The following RTL1 variants were observed in gnomAD, a reference collection of about 807,000 sequenced individuals.
RTL1 encodes retrotransposon-like protein 1.
For missense variants in RTL1, 1,681 were observed against 1,767.5 expected (o/e 0.95, Z 0.88); for synonymous variants, 727 against 748.4 (o/e 0.97, Z 0.47).
At position 100,881,596 on chromosome 14, in the gene RTL1, C is replaced by G; in HGVS notation, c.3193G>C (p.Ala1065Pro). 1.3e-6 allele frequency: 2 copies of G among 1,551,710 alleles called. No individual in the cohort carries two copies. Among genetic ancestry groups the G allele is most frequent in the Non-Finnish European group, 1.7e-6 (2 of 1,147,006 alleles). Reference protein sequence around the residue: ...PIDQILNSFLAHFSMAQIRAV... With the variant: ...PIDQILNSFLPHFSMAQIRAV... ...CTGATCTGGGCCATGCTGAAGTGGGCGAGGAAGCTGTTGAGGATCTGGTCG... is the reference window on the plus strand; with the variant it reads ...CTGATCTGGGCCATGCTGAAGTGGGGGAGGAAGCTGTTGAGGATCTGGTCG... The change falls in exon 4 of 4, where the codon GCC (alanine) becomes CCC (proline). Residue 1065 changes from alanine to proline, a missense_variant. Ala to Pro is a conservative substitution (Grantham distance 27). Coordinates refer to ENST00000649591, the MANE Select transcript of RTL1 (RefSeq NM_001134888.3). The surrounding 1 kb of genome is among the most constrained non-coding windows in gnomAD (Gnocchi z 6.6).
chr14:100,886,072 T>A (rs1443294481), intron 3 of RTL1, among the ~76,000 whole-genome samples: 1 of 152,108 alleles, frequency 6.6e-6, no homozygotes, highest in Non-Finnish European at 1.5e-5. Context: ...TTGGTTGGGG[T>A]TATTTGCACA....
At position 100,883,088 on chromosome 14, in the gene RTL1, G is replaced by C. The variant is rs1404597141; in HGVS notation, c.1701C>G (p.Asn567Lys). Residue 567 changes from asparagine to lysine, a missense_variant, in exon 4 of 4, where the codon AAC becomes AAG. Physicochemically the swap from Asn to Lys is moderately conservative, Grantham distance 94. Transcript: ENST00000649591. The surrounding 1 kb of genome is among the most constrained non-coding windows in gnomAD (Gnocchi z 5.9). ...HPYSDLADVFNPKEADDETSD... is the reference protein window; with the variant it reads ...HPYSDLADVFKPKEADDETSD... Reference sequence around the variant, plus strand: ...AAGTCTCATCATCTGCTTCCTTCGGGTTAAACACGTCGGCCAGGTCTGAGT... The same window carrying C: ...AAGTCTCATCATCTGCTTCCTTCGGCTTAAACACGTCGGCCAGGTCTGAGT... 2 of 1,613,832 alleles carry C rather than the reference G, an allele frequency of 1.2e-6. No homozygotes were observed. The highest frequency in any genetic ancestry group is 1.7e-6 in the Non-Finnish European group (2 of 1,180,000).
chr14:100,891,055 T>A (rs2140046605), intron 3 of RTL1, among the ~76,000 whole-genome samples: 1 of 152,278 alleles, frequency 6.6e-6, no homozygotes, highest in African/African-American at 2.4e-5. Context: ...GTGAGGAGGC[T>A]GGTGAGATTC....
chr14:100,885,511 G>T lies in RTL1; in HGVS notation c.-86-637C>A, dbSNP rs1950625. ...TCAAAATAGAAATTTCAGGGGGTGT[G>T]TACAGGTCTGGGTTTTTTTTTTTTT... On this transcript the variant is annotated intron_variant, in intron 3 of 3. Coordinates refer to ENST00000649591, the MANE Select transcript of RTL1 (RefSeq NM_001134888.3). Among the ~76,000 whole-genome samples the T allele has an allele frequency of 5.1e-3, 754 of 147,118 alleles. 22 individuals are homozygous for T. Among genetic ancestry groups the T allele is most frequent in the Admixed American group, 0.041 (601 of 14,780 alleles).
At position 100,893,851 on chromosome 14, in the gene RTL1, C is replaced by G. The variant is rs1431046573; in HGVS notation, c.-148-346G>C. Among the ~76,000 whole-genome samples the G allele has an allele frequency of 6.6e-6, 1 of 152,202 alleles. No individual in the cohort carries two copies. Among genetic ancestry groups the G allele is most frequent in the Non-Finnish European group, 1.5e-5 (1 of 68,050 alleles). On this transcript the variant is annotated intron_variant, in intron 2 of 3. Transcript: ENST00000649591. The surrounding 1 kb of genome is among the most constrained non-coding windows in gnomAD (Gnocchi z 4.2). The stretch of plus-strand genomic sequence containing the variant: ...ACACCCACCCTCACACCCGGGCCCA[C>G]GCTCACTTTAATAACCCGGACTGGG...
In RTL1 at chr14:100,881,059, G is replaced by C. The variant is rs776782715; in HGVS notation, c.3730C>G (p.Arg1244Gly). The change falls in exon 4 of 4, where the codon CGT becomes GGT. Residue 1244 changes from arginine (R) to glycine (G), a missense_variant. By Grantham distance (125) the Arg-to-Gly change is moderately radical. Coordinates refer to ENST00000649591, the MANE Select transcript of RTL1 (RefSeq NM_001134888.3). The surrounding 1 kb of genome is among the most constrained non-coding windows in gnomAD (Gnocchi z 6.6). Reference protein sequence around the residue: ...EALQDDLQRYRQCGLHDGLQD... With the variant: ...EALQDDLQRYGQCGLHDGLQD... Reference sequence around the variant, plus strand: ...AGGCCGTCATGCAGGCCACACTGACGGTAACGTTGCAGGTCGTCTTGCAGG... The same window carrying C: ...AGGCCGTCATGCAGGCCACACTGACCGTAACGTTGCAGGTCGTCTTGCAGG... 7.5e-6 allele frequency: 12 copies of C among 1,603,316 alleles called. No individual in the cohort carries two copies. Among genetic ancestry groups the C allele is most frequent in the South Asian group, 1.1e-5 (1 of 89,134 alleles).
chr14:100,901,268 G>A (rs553805088), intron 2 of RTL1, among the ~76,000 whole-genome samples: 2 of 152,360 alleles, frequency 1.3e-5, no homozygotes, highest in African/African-American at 2.4e-5. Context: ...GGCTGGCCTC[G>A]CAGCCATCCC....
In RTL1 at chr14:100,893,892, G is replaced by A. The variant is rs562884688; in HGVS notation, c.-148-387C>T. Among the ~76,000 whole-genome samples the A allele has an allele frequency of 1.3e-5, 2 of 152,370 alleles. No homozygotes were observed. Among genetic ancestry groups the A allele is most frequent in the Admixed American group, 1.3e-4 (2 of 15,314 alleles). The stretch of plus-strand genomic sequence containing the variant: ...CCGGACTGGGCAAGGACTAAGTCCA[G>A]CCAGAGCGTCAGCCTCGCTGGCGTC... On this transcript the variant is annotated intron_variant, in intron 2 of 3. Coordinates refer to ENST00000649591, the MANE Select transcript of RTL1 (RefSeq NM_001134888.3). The surrounding 1 kb of genome is among the most constrained non-coding windows in gnomAD (Gnocchi z 4.2).
rs1487966543 is a variant in RTL1 at position 100,881,870 on chromosome 14, G to T, written c.2919C>A (p.Phe973Leu). 1 of 1,613,740 alleles carries T rather than the reference G, an allele frequency of 6.2e-7. No individual in the cohort carries two copies. The highest frequency in any genetic ancestry group is 8.5e-7 in the Non-Finnish European group (1 of 1,180,036). The change falls in exon 4 of 4, where the codon TTC becomes TTA. Residue 973 changes from phenylalanine to leucine, a missense_variant. Physicochemically the swap from Phe to Leu is conservative, Grantham distance 22 (BLOSUM62 0). Coordinates refer to ENST00000649591, the MANE Select transcript of RTL1 (RefSeq NM_001134888.3). This position sits in a 1 kb window ranked among gnomAD's most constrained non-coding sequence, Gnocchi z 6.6. ...TGACGTCAAAGTTGAAGTGGGAGAA[G>T]AAGAAGACCCAATGCCCGGGGAGAA... is the stretch of plus-strand genomic sequence containing the variant. ...TVLLPGHWVFFFSHFNFDVME... is the reference protein window; with the variant it reads ...TVLLPGHWVFLFSHFNFDVME...
rs745813960 is a variant in RTL1 at position 100,884,403 on chromosome 14, G to A, written c.386C>T (p.Ser129Leu). 25 of 1,605,332 alleles carry A rather than the reference G, an allele frequency of 1.6e-5. No homozygotes were observed. The highest frequency in any genetic ancestry group is 3.4e-5 in the Admixed American group (2 of 58,806). Reference sequence around the variant, plus strand: ...AGCCTCTTGTTCTTCTCGGGCTCCCGATGGGTTGACTGATGCTTCTTTCAT... The same window carrying A: ...AGCCTCTTGTTCTTCTCGGGCTCCCAATGGGTTGACTGATGCTTCTTTCAT... Reference protein sequence around the residue: ...DRMKEASVNPSGAREEQEAHT... With the variant: ...DRMKEASVNPLGAREEQEAHT... The change falls in exon 4 of 4, where the codon TCG becomes TTG. Residue 129 changes from serine (S) to leucine (L), a missense_variant. Ser to Leu is a moderately radical substitution (Grantham distance 145). Transcript: ENST00000649591.
At chr14:100,903,175 G>C (rs1302465904) in intron 2 of RTL1, among the ~76,000 whole-genome samples, 116 bp downstream of exon 2, 1 of 152,188 alleles carries the variant, frequency 6.6e-6, no homozygotes, top group Non-Finnish European at 1.5e-5. Context: ...TCCTTGAAGG[G>C]CCAGCTTAGA....
chr14:100,885,502 A>C (rs1207236358), intron 3 of RTL1, among the ~76,000 whole-genome samples: 1 of 149,436 alleles, frequency 6.7e-6, no homozygotes, highest in Non-Finnish European at 1.5e-5. Context: ...TAGAAATTTC[A>C]GGGGGTGTGT....
At position 100,893,408 on chromosome 14, in the gene RTL1, G is replaced by A. The variant is rs2038809398; in HGVS notation, c.-87+36C>T. 6.6e-6 allele frequency among the ~76,000 whole-genome samples: 1 copy of A among 152,124 alleles called. No individual in the cohort carries two copies. Among genetic ancestry groups the A allele is most frequent in the Admixed American group, 6.5e-5 (1 of 15,286 alleles). ...CCCTGCCTGCCCACCCGATCCCTGG[G>A]GGAGGTCGACATGGGACCTCTGCCC... On this transcript the variant is annotated intron_variant, in intron 3 of 3. Coordinates refer to ENST00000649591, the MANE Select transcript of RTL1 (RefSeq NM_001134888.3). The surrounding 1 kb of genome is among the most constrained non-coding windows in gnomAD (Gnocchi z 4.2).
At chr14:100,900,616 G>A (rs115964256) in intron 2 of RTL1, among the ~76,000 whole-genome samples, 1,834 of 152,230 alleles carry the variant, frequency 0.012, 31 homozygotes, top group African/African-American at 0.042. Flanking sequence ...TGTTCCCTCC[G>A]TGTCCGGCAG....
chr14:100,881,400 G>A lies in RTL1; in HGVS notation c.3389C>T (p.Ser1130Leu), dbSNP rs1369855247. ...PQRSLRLILD[S>L]SLIAGSSITT... ...GATGCTGCTGCCTGCGATGAGGGACGAATCCAGGATGAGTCGTAGGGAGCG... is the reference window on the plus strand; with the variant it reads ...GATGCTGCTGCCTGCGATGAGGGACAAATCCAGGATGAGTCGTAGGGAGCG... Residue 1130 changes from serine to leucine, a missense_variant, in exon 4 of 4, where the codon TCG becomes TTG. By Grantham distance (145) the Ser-to-Leu change is moderately radical. Transcript: ENST00000649591. The surrounding 1 kb of genome is among the most constrained non-coding windows in gnomAD (Gnocchi z 6.6). 3.0e-5 allele frequency: 47 copies of A among 1,550,696 alleles called. No homozygotes were observed. The highest frequency in any genetic ancestry group is 5.9e-5 in the Admixed American group (3 of 50,986).
At chr14:100,899,636 C>A (rs1162295832) in intron 2 of RTL1, among the ~76,000 whole-genome samples, 1 of 151,202 alleles carries the variant, frequency 6.6e-6, no homozygotes, top group African/African-American at 2.4e-5. Context: ...GAGCACAGAC[C>A]CAGCTACAGA....
In RTL1 at chr14:100,881,275, G is replaced by A. The variant is rs561030751; in HGVS notation, c.3514C>T (p.Arg1172Cys). 4.8e-5 allele frequency: 75 copies of A among 1,550,318 alleles called. No individual in the cohort carries two copies. In the African/African-American group the frequency reaches 7.9e-4, roughly 16 times the overall value. ...GAGTGCAGAGCATTTCGCTGCCAGCGGCCAGGGCCCAGGAACAGCTCAGCC... is the reference window on the plus strand; with the variant it reads ...GAGTGCAGAGCATTTCGCTGCCAGCAGCCAGGGCCCAGGAACAGCTCAGCC... ...ELAELFLGPGRWQRNALHSQA... is the reference protein window; with the variant it reads ...ELAELFLGPGCWQRNALHSQA... The change falls in exon 4 of 4, where the codon CGC (arginine) becomes TGC (cysteine). Residue 1172 changes from arginine to cysteine, a missense_variant. Transcript: ENST00000649591. The surrounding 1 kb of genome is among the most constrained non-coding windows in gnomAD (Gnocchi z 6.6).
intron 3 of RTL1, among the ~76,000 whole-genome samples, chr14:100,887,749 C>CAA (rs34761296): frequency 1.1e-4 from 16 of 146,902 alleles, no homozygotes; most frequent in Admixed American, 4.0e-4. Flanking sequence ...GATTCCCTCT[C>CAA]AAAAAAAAAA....
chr14:100,893,185 A>C lies in RTL1; in HGVS notation c.-87+259T>G, dbSNP rs538669848. Among the ~76,000 whole-genome samples the C allele has an allele frequency of 7.8e-4, 119 of 152,326 alleles. No homozygotes were observed. Among genetic ancestry groups the C allele is most frequent in the Admixed American group, 1.4e-3 (21 of 15,304 alleles). ...ATCTCCCCCAAAGGTGCTTGCTGTCATTCCCAACTCATTCTAGCTTATTTG... is the reference window on the plus strand; with the variant it reads ...ATCTCCCCCAAAGGTGCTTGCTGTCCTTCCCAACTCATTCTAGCTTATTTG... On this transcript the variant is annotated intron_variant, in intron 3 of 3. Coordinates refer to ENST00000649591, the MANE Select transcript of RTL1 (RefSeq NM_001134888.3). The surrounding 1 kb of genome is among the most constrained non-coding windows in gnomAD (Gnocchi z 4.2).
Sources: allele counts gnomAD v4.1 joint callset (sites outside exome capture counted in the v4.1 genomes callset), GRCh38; gene constraint gnomAD v4.1.1; non-coding constraint Gnocchi (gnomAD v3.1); transcripts MANE v1.5; gene names NCBI Gene and HGNC (gene_info 2026-07-23, HGNC 2026-07-21).